Variants in NF1 observed in about 807,000 individuals in gnomAD.
The protein encoded by NF1 is neurofibromin.
In NF1, 122 loss-of-function variants were observed where a neutral mutation model predicts 325.7. That is an observed-to-expected ratio of 0.37 (90% CI 0.32 to 0.44). The LOEUF (loss-of-function observed/expected upper bound fraction) is 0.44. Among genes scored for constraint, NF1 ranks in the 20% least tolerant of loss-of-function variants. The probability of loss-of-function intolerance (pLI) is 1.00; values close to 1 mark genes in which losing one functional copy is unlikely to be tolerated. For missense variants in NF1, 2,140 were observed against 3,415.4 expected (o/e 0.63, Z 9.31); for synonymous variants, 1,091 against 1,186.0 (o/e 0.92, Z 1.65).
intron 36 of NF1, among the ~76,000 whole-genome samples, chr17:31,283,374 G>A (rs182210657): frequency 1.1e-3 from 172 of 151,436 alleles, no homozygotes; most frequent in African/African-American, 3.9e-3. Flanking sequence ...CTGAGATGGC[G>A]CCACTGCACT....
intron 16 of NF1, 39 bp from the exon 17 acceptor site, chr17:31,225,056 C>A (rs17885830): frequency 1.2e-6 from 2 of 1,608,112 alleles, no homozygotes; most frequent in South Asian, 2.2e-5. Context: ...TCTTGGTTGT[C>A]AGTGCTTCAG....
At chr17:31,367,321 C>G (rs777245542) in intron 57 of NF1, 1 of 1,215,972 alleles carries the variant, frequency 8.2e-7, no homozygotes, top group Non-Finnish European at 1.1e-6. Context: ...ATACTGCTTA[C>G]CCCACACTCA....
Position 31,375,018 on chromosome 17 carries a change from A to G in NF1, c.*863A>G. On this transcript the variant is annotated 3_prime_UTR_variant, in exon 58 of 58. Transcript: ENST00000358273. ...ACTATACTAAGTATAGTAATTATAT[A>G]TATATATATATTTTTTCCCCTCCCC... 2 of 199,808 alleles carry G rather than the reference A, an allele frequency of 1.0e-5. No homozygotes were observed. The highest frequency in any genetic ancestry group is 2.1e-5 in the Non-Finnish European group (2 of 97,118). 12.4% of individuals were successfully genotyped at this position (199,808 alleles called of 1,614,324 possible). A position where few individuals can be genotyped will look rare whatever the true frequency, so the allele number is the denominator to read the frequency against.
intron 36 of NF1, among the ~76,000 whole-genome samples, chr17:31,283,935 A>G (rs553679295): frequency 0.01 from 1,524 of 152,366 alleles, 27 homozygotes; most frequent in African/African-American, 0.034. Flanking sequence ...GGTTTATATA[A>G]GTAATCCACA....
chr17:31,295,019 A>G (rs1232884756), intron 36 of NF1: 6 of 1,614,142 alleles, frequency 3.7e-6, no homozygotes, highest in Non-Finnish European at 5.1e-6. Flanking sequence ...TCAGACAGCC[A>G]GCATGACCAC....
At position 31,259,360 on chromosome 17, in the gene NF1, T is replaced by G. The variant is rs531252316; in HGVS notation, c.4430+231T>G. The stretch of plus-strand genomic sequence containing the variant: ...TTTCATATTTGAAAACCAAGAGGGA[T>G]TTTTGACATGTCTAATTAAATAAAG... On this transcript the variant is annotated intron_variant, in intron 33 of 57. Coordinates refer to ENST00000358273, the MANE Select transcript of NF1 (RefSeq NM_001042492.3). Among the ~76,000 whole-genome samples the G allele has an allele frequency of 5.1e-4, 77 of 152,292 alleles. 1 individual carries two copies. Among genetic ancestry groups the G allele is most frequent in the African/African-American group, 1.7e-3 (71 of 41,576 alleles).
intron 36 of NF1, among the ~76,000 whole-genome samples, chr17:31,300,079 T>A (rs1292438909): frequency 5.9e-5 from 9 of 152,100 alleles, no homozygotes; most frequent in East Asian, 5.8e-4. Context: ...TGCTTTATTT[T>A]ACTAAAAGTG....
intron 30 of NF1, chr17:31,250,123 A>G: frequency 4.7e-6 from 2 of 423,012 alleles, no homozygotes; most frequent in South Asian, 4.0e-5. Context: ...AAAGCTTTTC[A>G]CGGTATACAT....
At chr17:31,146,727 C>T (rs749462983) in intron 1 of NF1, among the ~76,000 whole-genome samples, 13 of 152,234 alleles carry the variant, frequency 8.5e-5, no homozygotes, top group African/African-American at 2.4e-4. Flanking sequence ...CCAACCCCCA[C>T]GGGGAGCCTG....
intron 1 of NF1, among the ~76,000 whole-genome samples, chr17:31,096,249 C>A (rs1284578594): frequency 2.6e-5 from 4 of 151,450 alleles, no homozygotes; most frequent in African/African-American, 9.7e-5. Flanking sequence ...TCAGAGCCAC[C>A]GACAACAGAG....
At chr17:31,280,696 T>G (rs2068102060) in intron 36 of NF1, among the ~76,000 whole-genome samples, 1 of 152,042 alleles carries the variant, frequency 6.6e-6, no homozygotes, top group Non-Finnish European at 1.5e-5. Context: ...TTTACCCCGG[T>G]GTAAGATTGC....
At chr17:31,107,899 A>T (rs1913010125) in intron 1 of NF1, among the ~76,000 whole-genome samples, 2 of 151,926 alleles carry the variant, frequency 1.3e-5, no homozygotes, top group Non-Finnish European at 2.9e-5. Flanking sequence ...GCACTTTGGG[A>T]GGTGGGGGAG....
At chr17:31,224,978 G>A (rs1228214995) in intron 16 of NF1, 117 bp from the exon 17 acceptor site, 1 of 1,023,476 alleles carries the variant, frequency 9.8e-7, no homozygotes, top group Non-Finnish European at 1.5e-6. Context: ...TTGGGGCATA[G>A]AGATTGAGAG....
intron 1 of NF1, among the ~76,000 whole-genome samples, chr17:31,151,834 CTG>C (rs1356457864): frequency 1.3e-5 from 2 of 152,114 alleles, no homozygotes; most frequent in Non-Finnish European, 2.9e-5. Flanking sequence ...AGAGGGCTGA[CTG>C]TATTTGAATT....
In NF1 at chr17:31,330,608, T is replaced by G. The variant is rs9899132; in HGVS notation, c.5812+110T>G. On this transcript the variant is annotated intron_variant, in intron 39 of 57. Transcript: ENST00000358273. ...AAGACTTTCACTTACATTTTTACTTTTTTTCCTCTTCTGATTTTATATCTG... is the reference window on the plus strand; with the variant it reads ...AAGACTTTCACTTACATTTTTACTTGTTTTCCTCTTCTGATTTTATATCTG... 2.1e-3 allele frequency: 1,781 copies of G among 860,756 alleles called. 32 individuals carry two copies. In the African/African-American group the frequency reaches 0.028, roughly 13 times the overall value. 53.3% of individuals were successfully genotyped at this position (860,756 alleles called of 1,614,324 possible).
intron 13 of NF1, 89 bp from the exon 14 acceptor site, chr17:31,218,916 C>G (rs1313339702): frequency 7.5e-7 from 1 of 1,330,052 alleles, no homozygotes; most frequent in Non-Finnish European, 1.1e-6. Context: ...ACTTGGTACC[C>G]TTTAGCAGTC....
intron 36 of NF1, chr17:31,320,376 G>C (rs374830515): frequency 6.3e-7 from 1 of 1,596,664 alleles, no homozygotes; most frequent in African/African-American, 1.4e-5. Flanking sequence ...TTCTTACCTA[G>C]CTAGTATAGG....
intron 1 of NF1, among the ~76,000 whole-genome samples, chr17:31,122,392 G>C (rs1238337476): frequency 6.6e-6 from 1 of 152,180 alleles, no homozygotes; most frequent in Non-Finnish European, 1.5e-5. Flanking sequence ...ATTGTTTTCA[G>C]TTATTCATAA....
rs1369880377 is a variant in NF1, at chr17:31,159,111, A to G, written c.288+18A>G. 2 of 1,511,244 alleles carry G rather than the reference A, an allele frequency of 1.3e-6. No individual in the cohort carries two copies. Among genetic ancestry groups the G allele is most frequent in the South Asian group, 2.2e-5 (2 of 88,916 alleles). 93.6% of individuals were successfully genotyped at this position (1,511,244 alleles called of 1,614,324 possible). A position where few individuals can be genotyped will look rare whatever the true frequency, so the allele number is the denominator to read the frequency against. ...TTGCTGGGGTAAGTAAATTGATCTT[A>G]AGTAGGCAGGCTTTGTGAATTTGAT... On this transcript the variant is annotated intron_variant, in intron 3 of 57. Transcript: ENST00000358273.
Sources: gnomAD v4.1 joint callset for allele counts (sites outside exome capture counted in the v4.1 genomes callset) on GRCh38, gnomAD v4.1.1 for gene constraint, MANE v1.5 for transcripts, NCBI Gene and HGNC (gene_info 2026-07-23, HGNC 2026-07-21) for gene names.